Variants in CRYZL1 observed in about 807,000 individuals in gnomAD.
The protein encoded by CRYZL1 is ferry endosomal RAB5 effector complex subunit 4.
In CRYZL1, 34 loss-of-function variants were observed where a neutral mutation model predicts 50.6. The ratio of observed to expected loss-of-function variants is 0.67; its 90% confidence interval spans 0.51 to 0.89. The LOEUF (loss-of-function observed/expected upper bound fraction) is 0.89. Ranked by LOEUF, CRYZL1 falls within the 40% of genes least tolerant of loss-of-function variation. CRYZL1 has a pLI of 0.00. For synonymous variants in CRYZL1, 125 were observed against 134.3 expected (o/e 0.93, Z 0.48); for missense variants, 354 against 402.3 (o/e 0.88, Z 1.03).
chr21:33,641,513 C>T (rs1248131390), intron 1 of CRYZL1, among the ~76,000 whole-genome samples, 168 bp downstream of exon 1: 1 of 152,226 alleles, frequency 6.6e-6, no homozygotes, highest in Non-Finnish European at 1.5e-5. Flanking sequence ...GTCTTACCCA[C>T]CCCTCAGCGG....
Position 33,615,231 on chromosome 21 carries a change from C to T in CRYZL1, c.262+1475G>A, listed in dbSNP as rs563044764. Among the ~76,000 whole-genome samples, 7 of 148,572 alleles carry T rather than the reference C, an allele frequency of 4.7e-5. No individual in the cohort carries two copies. In the South Asian group the frequency reaches 1.3e-3, roughly 27 times the overall value. On this transcript the variant is annotated intron_variant, in intron 5 of 12. Coordinates refer to ENST00000381554, the MANE Select transcript of CRYZL1 (RefSeq NM_145858.3). ...ACAGTGGTGTGATCATGGCTCACTGCATCCTCAAACTTCCAGGCTCAGGCG... is the reference window on the plus strand; with the variant it reads ...ACAGTGGTGTGATCATGGCTCACTGTATCCTCAAACTTCCAGGCTCAGGCG...
At chr21:33,613,505 ATG>A (rs753454207) in intron 6 of CRYZL1, 31 bp downstream of exon 6, 2 of 1,400,954 alleles carry the variant, frequency 1.4e-6, no homozygotes, top group South Asian at 2.4e-5. Flanking sequence ...AGTAAGACTT[ATG>A]TGAGCTCCAA....
intron 6 of CRYZL1, among the ~76,000 whole-genome samples, chr21:33,611,282 A>G (rs1315324844): frequency 6.6e-6 from 1 of 152,172 alleles, no homozygotes; most frequent in Admixed American, 6.5e-5. Context: ...AGAGGTCTTT[A>G]TCTTTCAAAG....
intron 6 of CRYZL1, among the ~76,000 whole-genome samples, 188 bp from the exon 7 acceptor site, chr21:33,603,725 GTAT>G (rs1685438238): frequency 6.6e-6 from 1 of 152,054 alleles, no homozygotes; most frequent in Non-Finnish European, 1.5e-5. Context: ...CAGTGTGTGT[GTAT>G]TTTTAAAACT....
intron 1 of CRYZL1, among the ~76,000 whole-genome samples, chr21:33,638,283 G>A (rs1024158802): frequency 5.3e-5 from 8 of 150,118 alleles, no homozygotes; most frequent in African/African-American, 9.9e-5. Flanking sequence ...CATAATCTTG[G>A]CTCACTGCAA....
At chr21:33,592,636 C>T (rs1337031266) in intron 11 of CRYZL1, among the ~76,000 whole-genome samples, 1 of 152,050 alleles carries the variant, frequency 6.6e-6, no homozygotes, top group Non-Finnish European at 1.5e-5. Flanking sequence ...TATTTATGGC[C>T]CAGAATGACA....
chr21:33,599,916 G>T (rs985567352), intron 8 of CRYZL1, among the ~76,000 whole-genome samples: 2 of 151,922 alleles, frequency 1.3e-5, no homozygotes, highest in Non-Finnish European at 2.9e-5. Flanking sequence ...ATTATAGGGT[G>T]AGCCACCACC....
intron 8 of CRYZL1, among the ~76,000 whole-genome samples, chr21:33,601,251 A>G (rs549548146): frequency 1.3e-5 from 2 of 151,750 alleles, no homozygotes; most frequent in East Asian, 3.9e-4. Flanking sequence ...CTCTTTCTCC[A>G]TTCTATTTTC....
At chr21:33,595,497 G>C (rs1601325382) in intron 11 of CRYZL1, 1 of 1,291,734 alleles carries the variant, frequency 7.7e-7, no homozygotes, top group East Asian at 3.3e-5. Flanking sequence ...CCTTGAGTCT[G>C]TATCAACATC....
chr21:33,638,202 C>G (rs2087232935), intron 1 of CRYZL1, among the ~76,000 whole-genome samples: 1 of 148,108 alleles, frequency 6.8e-6, no homozygotes. Flanking sequence ...CCTAATGGGT[C>G]AGGTCTGCTT....
chr21:33,606,306 A>C (rs2086814281), intron 6 of CRYZL1, among the ~76,000 whole-genome samples: 1 of 152,164 alleles, frequency 6.6e-6, no homozygotes, highest in South Asian at 2.1e-4. Context: ...TTTTTATTAA[A>C]AACTCAATCA....
chr21:33,605,636 C>T (rs890904340), intron 6 of CRYZL1, among the ~76,000 whole-genome samples: 1 of 149,234 alleles, frequency 6.7e-6, no homozygotes, highest in African/African-American at 2.5e-5. Flanking sequence ...ATTCTCCTGC[C>T]TCAGCCTCCC....
intron 6 of CRYZL1, among the ~76,000 whole-genome samples, chr21:33,606,513 C>G (rs2086816246): frequency 6.6e-6 from 1 of 151,812 alleles, no homozygotes. Flanking sequence ...GTAATTCCAG[C>G]TACTTGGGAG....
chr21:33,597,430 G>A, intron 9 of CRYZL1, 29 bp from the exon 10 acceptor site: 1 of 1,457,552 alleles, frequency 6.9e-7, no homozygotes, highest in Non-Finnish European at 9.5e-7. Context: ...TAAAAAAAGA[G>A]AGAGAGAAGA....
intron 5 of CRYZL1, chr21:33,616,142 T>C (rs1000961055): frequency 2.0e-5 from 3 of 150,820 alleles, no homozygotes; most frequent in African/African-American, 4.9e-5. Context: ...TCTGATCTCA[T>C]TGTTCAATTC....
chr21:33,624,982 T>A (rs935782214), intron 2 of CRYZL1, among the ~76,000 whole-genome samples: 2 of 152,188 alleles, frequency 1.3e-5, no homozygotes, highest in African/African-American at 4.8e-5. Context: ...TACATATTTT[T>A]AAAAGTACTC....
intron 3 of CRYZL1, 86 bp from the exon 4 acceptor site, chr21:33,622,154 C>G (rs933917526): frequency 8.6e-6 from 9 of 1,049,436 alleles, no homozygotes; most frequent in African/African-American, 1.6e-5. Context: ...GAGTAAAAGT[C>G]AAATCACAGA....
chr21:33,634,606 A>AT (rs2087180979), intron 1 of CRYZL1, among the ~76,000 whole-genome samples: 1 of 149,578 alleles, frequency 6.7e-6, no homozygotes, highest in African/African-American at 2.4e-5. Context: ...TTATTAAATA[A>AT]AAAAAAAAAC....
intron 1 of CRYZL1, among the ~76,000 whole-genome samples, chr21:33,637,164 C>T (rs550660728): frequency 8.5e-5 from 13 of 152,138 alleles, no homozygotes; most frequent in Admixed American, 2.6e-4. Flanking sequence ...TAATTTAGAT[C>T]GCTGGGCGCG....
Sources: allele counts gnomAD v4.1 joint callset (sites outside exome capture counted in the v4.1 genomes callset), GRCh38; gene constraint gnomAD v4.1.1; transcripts MANE v1.5; gene names NCBI Gene and HGNC (gene_info 2026-07-23, HGNC 2026-07-21).